DCP1B: variants seen among roughly 807,000 people sequenced by gnomAD.
DCP1B encodes the protein mRNA-decapping enzyme 1B.
In DCP1B, 47 loss-of-function variants were observed where a neutral mutation model predicts 60.5. The ratio of observed to expected loss-of-function variants is 0.78; its 90% CI spans 0.61 to 0.99. The LOEUF is 0.99. Ranked by LOEUF, DCP1B falls within the 50% of genes least tolerant of loss-of-function variation. The pLI is 0.00. For missense variants in DCP1B, 725 were observed against 756.8 expected (o/e 0.96, Z 0.49); for synonymous variants, 267 against 280.3 (o/e 0.95, Z 0.47).
chr12:1,952,098 C>T (rs535154368), intron 7 of DCP1B, among the ~76,000 whole-genome samples: 4 of 152,360 alleles, frequency 2.6e-5, no homozygotes, highest in East Asian at 1.9e-4. Context: ...CAGAAATGTA[C>T]GTGACACATT....
chr12:1,980,532 C>T (rs2035799747), intron 3 of DCP1B, among the ~76,000 whole-genome samples: 1 of 151,576 alleles, frequency 6.6e-6, no homozygotes, highest in Admixed American at 6.6e-5. Context: ...TGTGGTTTTT[C>T]TTTTCATTAT....
At position 1,952,928 on chromosome 12, in the gene DCP1B, G is replaced by A. The variant is rs1565761535; in HGVS notation, c.1012C>T (p.His338Tyr). 1 of 1,614,198 alleles carries A rather than the reference G, an allele frequency of 6.2e-7. No homozygotes were observed. Among genetic ancestry groups the A allele is most frequent in the East Asian group, 2.2e-5 (1 of 44,882 alleles). Residue 338 changes from histidine (H) to tyrosine (Y), a missense_variant, in exon 7 of 9, where the codon CAC (histidine) becomes TAC (tyrosine). His to Tyr is a moderately conservative substitution (Grantham distance 83). Coordinates refer to ENST00000280665, the MANE Select transcript of DCP1B (RefSeq NM_152640.5). ...ACACCACGAGAAGTTCCAATGTTGTGAGGAGACCCTGGCTGGACAGGTCCT... is the reference window on the plus strand; with the variant it reads ...ACACCACGAGAAGTTCCAATGTTGTAAGGAGACCCTGGCTGGACAGGTCCT... ...FTGPVQPGSP[H>Y]NIGTSRGVQN...
At chr12:1,974,248 T>C (rs865995269) in intron 3 of DCP1B, among the ~76,000 whole-genome samples, 9 of 152,330 alleles carry the variant, frequency 5.9e-5, no homozygotes, top group African/African-American at 2.2e-4. Context: ...GGACTAGATA[T>C]GCTAGAATTC....
chr12:1,945,120 T>C (rs532705064), downstream of DCP1B, among the ~76,000 whole-genome samples: 2 of 151,996 alleles, frequency 1.3e-5, no homozygotes, highest in East Asian at 1.9e-4. Flanking sequence ...GTGGGCAAAG[T>C]ATATGAACAG....
intron 7 of DCP1B, among the ~76,000 whole-genome samples, chr12:1,951,116 A>G (rs1038202169): frequency 6.6e-6 from 1 of 152,160 alleles, no homozygotes; most frequent in Non-Finnish European, 1.5e-5. Flanking sequence ...TACTAAAAAA[A>G]TACAAAAAAT....
chr12:1,941,681 C>T (rs1031671560), downstream of DCP1B, among the ~76,000 whole-genome samples: 1 of 152,102 alleles, frequency 6.6e-6, no homozygotes, highest in Admixed American at 6.5e-5. Context: ...TTTGCGTGGA[C>T]GTCCTTTTTG....
chr12:1,975,356 G>A (rs111439953), intron 3 of DCP1B, among the ~76,000 whole-genome samples: 1 of 136,616 alleles, frequency 7.3e-6, no homozygotes, highest in Admixed American at 7.2e-5. Context: ...GGGTTAAGCA[G>A]TAAATTTACT....
chr12:1,993,485 C>T, intron 2 of DCP1B, 94 bp from the exon 3 acceptor site: 1 of 1,492,988 alleles, frequency 6.7e-7, no homozygotes, highest in African/African-American at 1.4e-5. Flanking sequence ...GTCTCTCAAC[C>T]TTTGTTTGTA....
At chr12:1,995,829 T>C (rs2040666002) in intron 2 of DCP1B, among the ~76,000 whole-genome samples, 1 of 152,252 alleles carries the variant, frequency 6.6e-6, no homozygotes, top group African/African-American at 2.4e-5. Flanking sequence ...TTTTATTTCA[T>C]GGTTTCAACT....
chr12:1,969,045 T>C (rs2031596056), intron 3 of DCP1B, among the ~76,000 whole-genome samples: 1 of 152,178 alleles, frequency 6.6e-6, no homozygotes, highest in South Asian at 2.1e-4. Flanking sequence ...ATTTAAAACA[T>C]CTTCACTGAA....
At chr12:1,946,393 C>CTCT in intron 8 of DCP1B, 107 bp from the exon 9 acceptor site, 1 of 739,886 alleles carries the variant, frequency 1.4e-6, no homozygotes, top group Non-Finnish European at 2.1e-6. Flanking sequence ...AGACACTCAT[C>CTCT]TCTCCCTGTC....
chr12:1,989,359 G>C (rs1458572651), intron 3 of DCP1B, among the ~76,000 whole-genome samples: 2 of 151,534 alleles, frequency 1.3e-5, no homozygotes, highest in African/African-American at 4.9e-5. Context: ...GCAGGAGCAG[G>C]AGCAGGAGCA....
At chr12:1,982,450 C>A (rs1323690967) in intron 3 of DCP1B, among the ~76,000 whole-genome samples, 1 of 152,110 alleles carries the variant, frequency 6.6e-6, no homozygotes, top group Non-Finnish European at 1.5e-5. Context: ...CTCTAGGTAC[C>A]TCACAGAAGT....
rs1198313183 is a variant in DCP1B at position 1,983,850 on chromosome 12, A to C, written c.319+9414T>G. ...TCCAAGTAACTGCAGAATTAAAAAA[A>C]AAACAAAAACTTCTCCTTTCGGTTC... On this transcript the variant is annotated intron_variant, in intron 3 of 8. Transcript: ENST00000280665. Among the ~76,000 whole-genome samples the C allele has an allele frequency of 3.3e-5, 5 of 152,048 alleles. No homozygotes were observed. In the South Asian group the frequency reaches 8.3e-4, roughly 25 times the overall value.
intron 3 of DCP1B, among the ~76,000 whole-genome samples, chr12:1,984,625 T>C (rs1164781477): frequency 6.6e-6 from 1 of 151,990 alleles, no homozygotes; most frequent in Non-Finnish European, 1.5e-5. Flanking sequence ...TTAAAGAATT[T>C]GAGAGGAGAA....
intron 6 of DCP1B, among the ~76,000 whole-genome samples, chr12:1,954,893 T>C (rs893392311): frequency 7.9e-5 from 12 of 152,202 alleles, no homozygotes; most frequent in African/African-American, 2.9e-4. Flanking sequence ...GACATGGTCT[T>C]GCTTTCTTGC....
intron 7 of DCP1B, 27 bp from the exon 8 acceptor site, chr12:1,949,361 G>T (rs778387474): frequency 6.2e-7 from 1 of 1,607,882 alleles, no homozygotes; most frequent in African/African-American, 1.3e-5. Context: ...CACACAGAGA[G>T]CGGGGTTCAG....
At chr12:1,969,265 T>C (rs1477267994) in intron 3 of DCP1B, among the ~76,000 whole-genome samples, 1 of 152,228 alleles carries the variant, frequency 6.6e-6, no homozygotes, top group Non-Finnish European at 1.5e-5. Context: ...TCAGTAATGA[T>C]TCATATATCA....
At chr12:1,991,028 TC>T (rs1469619718) in intron 3 of DCP1B, 1 of 434,194 alleles carries the variant, frequency 2.3e-6, no homozygotes, top group African/African-American at 2.1e-5. Flanking sequence ...AGTAAATAGA[TC>T]CATTCCCTTT....
Sources: allele counts gnomAD v4.1 joint callset (sites outside exome capture counted in the v4.1 genomes callset), GRCh38; gene constraint gnomAD v4.1.1; transcripts MANE v1.5; gene names NCBI Gene and HGNC (gene_info 2026-07-23, HGNC 2026-07-21).